The following ADGRB3 variants were observed in gnomAD, a reference collection of about 807,000 sequenced individuals.
The protein encoded by ADGRB3 is brain-specific angiogenesis inhibitor 3.
Under a neutral mutation model 193.4 loss-of-function variants are expected in ADGRB3, and 37 were observed. The ratio of observed to expected loss-of-function variants is 0.19; its 90% CI spans 0.15 to 0.25. The LOEUF is 0.25. Ranked by LOEUF, ADGRB3 falls within the 10% of genes least tolerant of loss-of-function variation. ADGRB3 has a pLI of 1.00. For missense variants in ADGRB3, 1,637 were observed against 1,852.9 expected, an observed-to-expected ratio of 0.88 and a Z score of 2.14; for synonymous variants, 690 against 644.2, an observed-to-expected ratio of 1.07 and a Z score of -1.08.
intron 30 of ADGRB3, among the ~76,000 whole-genome samples, chr6:69,379,247 T>C (rs961390196): frequency 6.6e-6 from 1 of 152,028 alleles, no homozygotes; most frequent in Non-Finnish European, 1.5e-5. Context: ...ATTTTCTCAT[T>C]ATTACACATT....
chr6:68,740,478 AG>A (rs1469258602), intron 3 of ADGRB3, among the ~76,000 whole-genome samples: 1 of 152,208 alleles, frequency 6.6e-6, no homozygotes, highest in Non-Finnish European at 1.5e-5. Context: ...AGCATCTTTA[AG>A]AAAAAAACAT....
chr6:68,870,231 A>G (rs1370012044), intron 3 of ADGRB3, among the ~76,000 whole-genome samples: 1 of 152,238 alleles, frequency 6.6e-6, no homozygotes, highest in Non-Finnish European at 1.5e-5. Flanking sequence ...GATATTATAG[A>G]TGAGTAATAG....
At chr6:68,863,836 T>A (rs1765221564) in intron 3 of ADGRB3, among the ~76,000 whole-genome samples, 1 of 152,158 alleles carries the variant, frequency 6.6e-6, no homozygotes, top group African/African-American at 2.4e-5. Flanking sequence ...GTCATACCCT[T>A]TTTTAAAAAC....
intron 17 of ADGRB3, among the ~76,000 whole-genome samples, chr6:69,121,408 C>A (rs139924455): frequency 1.3e-3 from 203 of 152,262 alleles, no homozygotes; most frequent in African/African-American, 4.8e-3. Flanking sequence ...CAACTTCTTT[C>A]TACACAGACA....
At chr6:68,648,727 A>C (rs896014818) in intron 3 of ADGRB3, among the ~76,000 whole-genome samples, 4 of 149,490 alleles carry the variant, frequency 2.7e-5, no homozygotes, top group Non-Finnish European at 5.9e-5. Flanking sequence ...GTAGTACACA[A>C]TATTCATTTC....
At chr6:69,167,995 G>A (rs574891372) in intron 17 of ADGRB3, among the ~76,000 whole-genome samples, 13 of 152,162 alleles carry the variant, frequency 8.5e-5, no homozygotes, top group Non-Finnish European at 1.8e-4. Flanking sequence ...ATTGCAAAAT[G>A]AGAAACGATG....
At chr6:68,730,763 T>C (rs1382341934) in intron 3 of ADGRB3, among the ~76,000 whole-genome samples, 3 of 151,654 alleles carry the variant, frequency 2.0e-5, no homozygotes, top group African/African-American at 7.3e-5. Context: ...ACACTAAAAC[T>C]AATGGTTTAA....
chr6:68,956,042 A>G lies in ADGRB3; in HGVS notation c.1214A>G (p.Glu405Gly). ...TTGGTAGTTGATGGACAGTGGCAAG[A>G]GTGGAGTTCGTGGAGCCAGTGCTCA... ...ALCPVDGQWQ[E>G]WSSWSQCSVT... Residue 405 changes from glutamate to glycine, a missense_variant, in exon 7 of 32, where the codon GAG becomes GGG. Glu to Gly is a moderately conservative substitution (Grantham distance 98). Transcript: ENST00000370598. 6.2e-7 allele frequency: 1 copy of G among 1,613,482 alleles called. No individual in the cohort carries two copies. Among genetic ancestry groups the G allele is most frequent in the Non-Finnish European group, 8.5e-7 (1 of 1,179,820 alleles).
At chr6:68,691,903 G>T (rs1765083728) in intron 3 of ADGRB3, among the ~76,000 whole-genome samples, 1 of 151,032 alleles carries the variant, frequency 6.6e-6, no homozygotes. Flanking sequence ...GCCTCCATTG[G>T]ATATCTGGAT....
intron 19 of ADGRB3, among the ~76,000 whole-genome samples, chr6:69,236,461 T>G (rs1385383056): frequency 6.6e-6 from 1 of 151,970 alleles, no homozygotes; most frequent in Non-Finnish European, 1.5e-5. Flanking sequence ...CAGGGCTCAC[T>G]CAAGCAGACA....
At chr6:69,033,521 A>G (rs1770775410) in intron 13 of ADGRB3, among the ~76,000 whole-genome samples, 1 of 152,142 alleles carries the variant, frequency 6.6e-6, no homozygotes, top group Non-Finnish European at 1.5e-5. Context: ...AAATATTTTC[A>G]TTCTTTTGCA....
At chr6:68,699,209 A>C (rs1765202631) in intron 3 of ADGRB3, among the ~76,000 whole-genome samples, 2 of 152,024 alleles carry the variant, frequency 1.3e-5, no homozygotes, top group South Asian at 2.1e-4. Context: ...ATCACTTTAC[A>C]TTTTGCAGAT....
chr6:69,197,125 G>A (rs1582537169), intron 17 of ADGRB3, among the ~76,000 whole-genome samples: 1 of 151,788 alleles, frequency 6.6e-6, no homozygotes, highest in Non-Finnish European at 1.5e-5. Flanking sequence ...AGTTTCCCTC[G>A]AGGGCAAGAC....
chr6:68,901,251 G>T lies in ADGRB3; in HGVS notation c.758-29308G>T, dbSNP rs562855104. Among the ~76,000 whole-genome samples, 26 of 152,174 alleles carry T rather than the reference G, an allele frequency of 1.7e-4. No homozygotes were observed. In the East Asian group the frequency reaches 2.1e-3, roughly 12 times the overall value. On this transcript the variant is annotated intron_variant, in intron 3 of 31. Coordinates refer to ENST00000370598, the MANE Select transcript of ADGRB3 (RefSeq NM_001704.3). ...CTCAGCTGATGTTAGTGGGTGGAGG[G>T]GGGTGGGGTTCTACTTCCAGGCACA...
At chr6:68,726,957 CTT>C (rs920862302) in intron 3 of ADGRB3, among the ~76,000 whole-genome samples, 1 of 151,538 alleles carries the variant, frequency 6.6e-6, no homozygotes, top group African/African-American at 2.4e-5. Flanking sequence ...ACTAAGATCT[CTT>C]GAAGCTCCCT....
chr6:69,246,574 A>G (rs1038169951), intron 20 of ADGRB3, among the ~76,000 whole-genome samples: 1 of 152,192 alleles, frequency 6.6e-6, no homozygotes, highest in African/African-American at 2.4e-5. Flanking sequence ...CTGTTGTCCT[A>G]CTATAACCTC....
chr6:69,280,555 TAATA>T (rs1413783844), intron 20 of ADGRB3, among the ~76,000 whole-genome samples: 9 of 152,180 alleles, frequency 5.9e-5, no homozygotes, highest in Non-Finnish European at 1.0e-4. Context: ...AAATAGATAA[TAATA>T]AATCTACTTC....
At chr6:69,271,823 G>A (rs186227073) in intron 20 of ADGRB3, among the ~76,000 whole-genome samples, 14 of 151,994 alleles carry the variant, frequency 9.2e-5, no homozygotes, top group African/African-American at 3.1e-4. Flanking sequence ...TTTTGTTTTA[G>A]CCTTATTGTT....
Position 69,354,313 on chromosome 6 carries a change from G to A in ADGRB3, c.3540G>A (p.Gly1180=), listed in dbSNP as rs746163398. 5 of 1,613,016 alleles carry A rather than the reference G, an allele frequency of 3.1e-6. No homozygotes were observed. The highest frequency in any genetic ancestry group is 3.4e-6 in the Non-Finnish European group (4 of 1,179,090). Residue 1180 remains glycine (G), a synonymous_variant, in exon 27 of 32, where the codon GGG becomes GGA. Transcript: ENST00000370598. The part of the protein sequence containing the change: ...NADSSSSFPN[G]HAQIMTDFEK... ...ATTCTTCGAGTTCGTTTCCTAATGG[G>A]CATGCTCAAATCATGGTGAGTTTTT...
Sources: allele counts gnomAD v4.1 joint callset (sites outside exome capture counted in the v4.1 genomes callset), GRCh38; gene constraint gnomAD v4.1.1; transcripts MANE v1.5; gene names NCBI Gene and HGNC (gene_info 2026-07-23, HGNC 2026-07-21).